The following NIN variants were observed in gnomAD, a reference collection of about 807,000 sequenced individuals.
NIN encodes ninein.
Under a neutral mutation model 257.6 loss-of-function variants are expected in NIN, and 137 were observed. That is an observed-to-expected ratio of 0.53 (90% CI 0.46 to 0.61). The LOEUF is 0.61. NIN is among the 20% of genes least tolerant of loss of function. NIN has a pLI of 0.00. For synonymous variants in NIN, 918 were observed against 919.8 expected (o/e 1.00, Z 0.04); for missense variants, 2,439 against 2,501.2 (o/e 0.98, Z 0.53).
Position 50,758,429 on chromosome 14 carries a change from C to G in NIN, c.2601G>C (p.Gln867His), listed in dbSNP as rs1376195226. Residue 867 changes from glutamine to histidine, a missense_variant, in exon 18 of 31, where the codon CAG becomes CAC. By Grantham distance (24) the Gln-to-His change is conservative (BLOSUM62 0). Around this residue, in one of 3 missense-constraint regions of NIN, gnomAD observed 2,043 missense variants for 2,050.2 expected, o/e 1.00. Transcript: ENST00000530997. ...GCAGCTCCTGGGCTTCCGCACACTCCTGGGTGAGCTCGTCCTTCTCAAATT... is the reference window on the plus strand; with the variant it reads ...GCAGCTCCTGGGCTTCCGCACACTCGTGGGTGAGCTCGTCCTTCTCAAATT... ...QWEFEKDELT[Q>H]ECAEAQELLK... The G allele has an allele frequency of 6.2e-7, 1 of 1,614,198 alleles. No homozygotes were observed.
At chr14:50,825,816 A>T (rs570685575) in intron 2 of NIN, among the ~76,000 whole-genome samples, 2 of 152,360 alleles carry the variant, frequency 1.3e-5, no homozygotes, top group East Asian at 3.9e-4. Context: ...CTCCATGGCC[A>T]CAAACTTTTC....
chr14:50,802,127 A>AAT (rs1365553433), intron 4 of NIN, among the ~76,000 whole-genome samples: 2 of 152,232 alleles, frequency 1.3e-5, no homozygotes, highest in African/African-American at 2.4e-5. Context: ...CCCCTCTCCT[A>AAT]TTCCAGAAAA....
chr14:50,799,942 T>A (rs1009325984), intron 4 of NIN, among the ~76,000 whole-genome samples: 3 of 151,572 alleles, frequency 2.0e-5, no homozygotes, highest in African/African-American at 4.9e-5. Context: ...ACCATTGCAT[T>A]CCAGCTTGGG....
chr14:50,759,538 G>A (rs1406468745), intron 17 of NIN, among the ~76,000 whole-genome samples: 10 of 151,384 alleles, frequency 6.6e-5, no homozygotes, highest in Admixed American at 5.3e-4. Flanking sequence ...CTGTCGCCCA[G>A]GCTGGAGTGC....
Position 50,744,302 on chromosome 14 carries a change from C to T in NIN, c.5128G>A (p.Glu1710Lys), listed in dbSNP as rs745512846. The T allele has an allele frequency of 5.0e-6, 8 of 1,613,944 alleles. No individual in the cohort carries two copies. The highest frequency in any genetic ancestry group is 3.3e-5 in the South Asian group (3 of 91,066). ...QKISSVLSYN[E>K]KLLKEKEALS... Reference sequence around the variant, plus strand: ...GCTTCCTTTTCTTTCAGCAGTTTTTCGTTGTAGCTTAGAACACTAGAGATT... The same window carrying T: ...GCTTCCTTTTCTTTCAGCAGTTTTTTGTTGTAGCTTAGAACACTAGAGATT... The change falls in exon 23 of 31, where the codon GAA (glutamate) becomes AAA (lysine). Residue 1710 changes from glutamate to lysine, a missense_variant. Physicochemically the swap from Glu to Lys is moderately conservative, Grantham distance 56. Around this residue, in one of 3 missense-constraint regions of NIN, gnomAD observed 2,043 missense variants for 2,050.2 expected, o/e 1.00. Coordinates refer to ENST00000530997, the MANE Select transcript of NIN (RefSeq NM_020921.4).
Position 50,758,023 on chromosome 14 carries a change from G to A in NIN, c.3007C>T (p.Arg1003Ter), listed in dbSNP as rs751569014. 6.8e-6 allele frequency: 11 copies of A among 1,614,000 alleles called. No homozygotes were observed. The highest frequency in any genetic ancestry group is 6.7e-5 in the East Asian group (3 of 44,878). ...IHKATCETAD[R>*]ERAEMSTEIS... is the part of the protein sequence containing the mutation. ...TCTGTGCTCATCTCGGCTCTTTCTC[G>A]ATCTGCTGTCTCACAGGTCGCTTTG... Residue 1003 changes from arginine (R) to a stop codon, truncating the protein, a stop_gained, in exon 18 of 31, where the codon CGA (arginine) becomes TGA (stop). Coordinates refer to ENST00000530997, the MANE Select transcript of NIN (RefSeq NM_020921.4). LOFTEE classifies it high-confidence loss of function.
intron 3 of NIN, among the ~76,000 whole-genome samples, chr14:50,817,907 G>T (rs890495983): frequency 1.3e-5 from 2 of 152,012 alleles, no homozygotes; most frequent in Non-Finnish European, 2.9e-5. Flanking sequence ...GCAGAGACAG[G>T]GTTTCACAGT....
rs1404592455 is a variant in NIN at position 50,757,021 on chromosome 14, C to G, written c.4009G>C (p.Glu1337Gln). ...CAGTCACACCGCTGGACCACGCTTTCCTGAAGCTTCTCAATCTTGCCTTGA... is the reference window on the plus strand; with the variant it reads ...CAGTCACACCGCTGGACCACGCTTTGCTGAAGCTTCTCAATCTTGCCTTGA... ...RLQGKIEKLQ[E>Q]SVVQRCDCCL... The change falls in exon 18 of 31, where the codon GAA becomes CAA. Residue 1337 changes from glutamate to glutamine, a missense_variant. This residue lies in a region of NIN where 2,043 missense variants were observed against 2,050.2 expected (regional missense o/e 1.00). Coordinates refer to ENST00000530997, the MANE Select transcript of NIN (RefSeq NM_020921.4). 1.9e-6 allele frequency: 3 copies of G among 1,612,964 alleles called. No homozygotes were observed. Among genetic ancestry groups the G allele is most frequent in the African/African-American group, 2.7e-5 (2 of 74,814 alleles).
chr14:50,799,185 GAC>G (rs1391802644), intron 4 of NIN, among the ~76,000 whole-genome samples: 1 of 152,192 alleles, frequency 6.6e-6, no homozygotes, highest in Admixed American at 6.5e-5. Flanking sequence ...CCTGGACCTG[GAC>G]ACAGAGTTCA....
intron 29 of NIN, among the ~76,000 whole-genome samples, chr14:50,728,855 ATTTTC>A (rs2040544042): frequency 6.6e-6 from 1 of 152,194 alleles, no homozygotes; most frequent in African/African-American, 2.4e-5. Context: ...AAAGATTTTT[ATTTTC>A]TTAAATAGTT....
intron 25 of NIN, among the ~76,000 whole-genome samples, chr14:50,741,042 A>G (rs2140490488): frequency 6.6e-6 from 1 of 152,346 alleles, no homozygotes; most frequent in Non-Finnish European, 1.5e-5. Context: ...ATTTGTAGCA[A>G]TGAATTATCT....
At chr14:50,801,766 A>C (rs975369719) in intron 4 of NIN, among the ~76,000 whole-genome samples, 3 of 152,252 alleles carry the variant, frequency 2.0e-5, no homozygotes, top group Admixed American at 6.5e-5. Context: ...AGTCCTTGAA[A>C]CTAGGAAGGT....
intron 12 of NIN, 49 bp downstream of exon 12, chr14:50,770,339 G>A (rs1345300709): frequency 8.3e-6 from 13 of 1,564,082 alleles, no homozygotes; most frequent in Middle Eastern, 1.8e-4. Context: ...AGTTTTCCAC[G>A]TGGTGTTCCC....
Position 50,757,400 on chromosome 14 carries a change from T to G in NIN, c.3630A>C (p.Leu1210Phe). ...CAGAAGCTCGATCACAGTCCGCACA[T>G]AACATCATTAGCTGTTCCTGAAGCT... is the stretch of plus-strand genomic sequence containing the variant. Reference protein sequence around the residue: ...ISQLQEQLMMLCADCDRASEK... With the variant: ...ISQLQEQLMMFCADCDRASEK... Residue 1210 changes from leucine (L) to phenylalanine (F), a missense_variant, in exon 18 of 31, where the codon TTA becomes TTC. Physicochemically the swap from Leu to Phe is conservative, Grantham distance 22 (BLOSUM62 0). This residue lies in a region of NIN where 2,043 missense variants were observed against 2,050.2 expected (regional missense o/e 1.00). Transcript: ENST00000530997. 1 of 1,614,212 alleles carries G rather than the reference T, an allele frequency of 6.2e-7. No individual in the cohort carries two copies. Among genetic ancestry groups the G allele is most frequent in the Admixed American group, 1.7e-5 (1 of 60,020 alleles).
intron 18 of NIN, 104 bp downstream of exon 18, chr14:50,756,388 G>A (rs2295846): frequency 1.7e-5 from 21 of 1,244,320 alleles, no homozygotes; most frequent in Non-Finnish European, 2.1e-5. Flanking sequence ...TGCTCTCTTC[G>A]TGAAGACTAC....
At chr14:50,831,181 G>A (rs1375150874), upstream of NIN, 1 of 150,950 alleles carries the variant, frequency 6.6e-6, no homozygotes, top group Admixed American at 6.6e-5. Flanking sequence ...GCGGGGAGGA[G>A]GAGTCAGGGC....
intron 19 of NIN, 27 bp downstream of exon 19, chr14:50,754,714 CT>C: frequency 6.3e-7 from 1 of 1,579,372 alleles, no homozygotes; most frequent in Non-Finnish European, 8.6e-7. Flanking sequence ...GCAAAAATGT[CT>C]TAGGAAAATG....
intron 21 of NIN, 113 bp from the exon 22 acceptor site, chr14:50,748,218 T>C: frequency 3.2e-6 from 2 of 627,336 alleles, no homozygotes; most frequent in Non-Finnish European, 5.6e-6. Context: ...TCAATGACAC[T>C]GTTTTATGAC....
At chr14:50,740,795 T>G (rs758083219) in intron 25 of NIN, among the ~76,000 whole-genome samples, 8 of 152,224 alleles carry the variant, frequency 5.3e-5, no homozygotes, top group Non-Finnish European at 1.2e-4. Context: ...AACAACTAGT[T>G]TTTTTATAAA....
Sources: allele counts gnomAD v4.1 joint callset (sites outside exome capture counted in the v4.1 genomes callset), GRCh38; gene constraint gnomAD v4.1.1; regional missense constraint gnomAD v4.1.1; transcripts MANE v1.5; gene names NCBI Gene and HGNC (gene_info 2026-07-23, HGNC 2026-07-21).